FAM53B: variants seen among roughly 807,000 people sequenced by gnomAD.
The protein encoded by FAM53B is protein FAM53B.
FAM53B carries 12 observed loss-of-function variants against 32.7 expected under a neutral mutation model. The ratio of observed to expected loss-of-function variants is 0.37; its 90% CI spans 0.24 to 0.59. The LOEUF is 0.59. FAM53B is among the 20% of genes least tolerant of loss of function. The probability of loss-of-function intolerance (pLI) is 0.72; values close to 1 mark genes in which losing one functional copy is unlikely to be tolerated. For missense variants in FAM53B, 477 were observed against 577.7 expected (o/e 0.83, Z 1.79); for synonymous variants, 234 against 228.7 (o/e 1.02, Z -0.21).
In FAM53B at chr10:124,623,342, C is replaced by T; in HGVS notation, c.1169G>A (p.Arg390Lys). The T allele has an allele frequency of 6.2e-7, 1 of 1,612,504 alleles. No homozygotes were observed. The highest frequency in any genetic ancestry group is 8.5e-7 in the Non-Finnish European group (1 of 1,179,778). The change falls in exon 5 of 5, where the codon AGA (arginine) becomes AAA (lysine). Residue 390 changes from arginine (R) to lysine (K), a missense_variant. This residue lies in a region of FAM53B where 165 missense variants were observed against 157.5 expected (regional missense o/e 1.05). Coordinates refer to ENST00000337318, the MANE Select transcript of FAM53B (RefSeq NM_014661.4). ...CCGCCAGGCTGCAGCCGGCTCCGCT[C>T]TCCTGCCACAATCCTCGTCCAGGGC... is the stretch of plus-strand genomic sequence containing the variant. Reference protein sequence around the residue: ...SCALDEDCGRRAEPAAAWRDR... With the variant: ...SCALDEDCGRKAEPAAAWRDR...
intron 4 of FAM53B, among the ~76,000 whole-genome samples, chr10:124,680,812 T>C (rs1306749903): frequency 6.6e-6 from 1 of 152,150 alleles, no homozygotes; most frequent in East Asian, 1.9e-4. Context: ...TTGTGTCCCA[T>C]CACATCCGCC....
At chr10:124,737,500 T>C (rs1950179730) in intron 1 of FAM53B, among the ~76,000 whole-genome samples, 1 of 152,142 alleles carries the variant, frequency 6.6e-6, no homozygotes, top group Non-Finnish European at 1.5e-5. Context: ...AAGCAGGAAT[T>C]AAGGTTCCAC....
intron 4 of FAM53B, chr10:124,623,842 C>T (rs755359284): frequency 2.8e-5 from 14 of 495,338 alleles, no homozygotes; most frequent in Non-Finnish European, 4.6e-5. Flanking sequence ...CCTACTAACT[C>T]GGCAAAGCAC....
chr10:124,700,538 G>A (rs1173261837), intron 2 of FAM53B, among the ~76,000 whole-genome samples: 1 of 152,134 alleles, frequency 6.6e-6, no homozygotes, highest in Non-Finnish European at 1.5e-5. Context: ...GCCCACGCCG[G>A]GGCAGGGCCT....
At chr10:124,675,155 C>T (rs1334562055) in intron 4 of FAM53B, among the ~76,000 whole-genome samples, 1 of 152,190 alleles carries the variant, frequency 6.6e-6, no homozygotes, top group Non-Finnish European at 1.5e-5. Flanking sequence ...AACCTGAGGG[C>T]TGTGACTAGA....
At position 124,740,943 on chromosome 10, in the gene FAM53B, CAA is replaced by C. The variant is rs575552059; in HGVS notation, c.-175+3068_-175+3069del. On this transcript the variant is annotated intron_variant, in intron 1 of 4. Transcript: ENST00000337318. ...TGTGTTGGCAACGAACCGGTTCTTTCAAAAGAGGAAGAGTCTGACAAAAAGGA... is the reference window on the plus strand; with the variant it reads ...TGTGTTGGCAACGAACCGGTTCTTTCAAGAGGAAGAGTCTGACAAAAAGGA... Among the ~76,000 whole-genome samples the C allele has an allele frequency of 3.9e-5, 6 of 152,288 alleles. No homozygotes were observed. In the East Asian group the frequency reaches 1.2e-3, roughly 29 times the overall value.
At chr10:124,732,608 C>T (rs1950151226) in intron 1 of FAM53B, among the ~76,000 whole-genome samples, 1 of 152,220 alleles carries the variant, frequency 6.6e-6, no homozygotes, top group South Asian at 2.1e-4. Context: ...CCTGTAATCC[C>T]AGCACTTTGG....
intron 4 of FAM53B, among the ~76,000 whole-genome samples, chr10:124,672,476 A>C (rs76870260): frequency 2.2e-4 from 34 of 152,328 alleles, no homozygotes; most frequent in African/African-American, 8.2e-4. Flanking sequence ...CCAGCTGGGG[A>C]TTACTAGGCT....
chr10:124,718,157 T>C (rs1229182486), intron 1 of FAM53B, among the ~76,000 whole-genome samples: 1 of 151,858 alleles, frequency 6.6e-6, no homozygotes. Context: ...TAAGACTATA[T>C]CACACTGGGA....
chr10:124,735,351 AGTAAATCACTTTTG>A (rs1312354418), intron 1 of FAM53B, among the ~76,000 whole-genome samples: 1 of 152,244 alleles, frequency 6.6e-6, no homozygotes, highest in Non-Finnish European at 1.5e-5. Flanking sequence ...TAGGAGCAAA[AGTAAATCACTTTTG>A]GTAAAAAAAG....
chr10:124,729,388 A>T (rs1950126975), intron 1 of FAM53B, among the ~76,000 whole-genome samples: 1 of 152,214 alleles, frequency 6.6e-6, no homozygotes, highest in South Asian at 2.1e-4. Context: ...TCCCTTTTAA[A>T]GCATGTGGGG....
chr10:124,694,174 G>T (rs1297404982), intron 3 of FAM53B, among the ~76,000 whole-genome samples: 1 of 152,242 alleles, frequency 6.6e-6, no homozygotes, highest in Non-Finnish European at 1.5e-5. Flanking sequence ...CAGAGCAGAA[G>T]GAAGACAGGA....
At chr10:124,683,872 T>A (rs943249866) in intron 3 of FAM53B, among the ~76,000 whole-genome samples, 2 of 152,204 alleles carry the variant, frequency 1.3e-5, no homozygotes, top group South Asian at 2.1e-4. Context: ...TGGCCACTCC[T>A]CAAAGGGCAC....
At chr10:124,732,886 G>A (rs1269323397) in intron 1 of FAM53B, among the ~76,000 whole-genome samples, 1 of 151,960 alleles carries the variant, frequency 6.6e-6, no homozygotes, top group Non-Finnish European at 1.5e-5. Flanking sequence ...TTTACCTGTG[G>A]ACTATCACGT....
At position 124,729,535 on chromosome 10, in the gene FAM53B, T is replaced by C. The variant is rs571339397; in HGVS notation, c.-175+14478A>G. Among the ~76,000 whole-genome samples, 16 of 152,352 alleles carry C rather than the reference T, an allele frequency of 1.1e-4. 1 individual carries two copies. In the South Asian group the frequency reaches 3.3e-3, roughly 32 times the overall value. ...CTTTTTTCACTCTTGCCCAAGGTCC[T>C]GAAAAGTCCTCCTGGTATGTCATTC... On this transcript the variant is annotated intron_variant, in intron 1 of 4. Coordinates refer to ENST00000337318, the MANE Select transcript of FAM53B (RefSeq NM_014661.4).
chr10:124,652,464 C>T (rs1589738535), intron 4 of FAM53B, among the ~76,000 whole-genome samples: 2 of 152,162 alleles, frequency 1.3e-5, no homozygotes, highest in Admixed American at 6.5e-5. Context: ...GCCCGGCCCA[C>T]AGCTGCACTC....
At chr10:124,676,996 C>T (rs565436308) in intron 4 of FAM53B, among the ~76,000 whole-genome samples, 19 of 152,328 alleles carry the variant, frequency 1.2e-4, no homozygotes, top group African/African-American at 3.8e-4. Context: ...CCCCTCCCCA[C>T]AAACATCTTG....
intron 1 of FAM53B, among the ~76,000 whole-genome samples, chr10:124,726,944 A>T (rs1950107780): frequency 1.3e-5 from 2 of 152,216 alleles, no homozygotes; most frequent in African/African-American, 4.8e-5. Flanking sequence ...ATGAGAATTT[A>T]AAAATTACAT....
chr10:124,668,535 A>G (rs915972911), intron 4 of FAM53B, among the ~76,000 whole-genome samples: 6 of 152,276 alleles, frequency 3.9e-5, no homozygotes, highest in African/African-American at 1.4e-4. Flanking sequence ...GGCAGACAAG[A>G]GCACAGCACT....
Sources: gnomAD v4.1 joint callset for allele counts (sites outside exome capture counted in the v4.1 genomes callset) on GRCh38, gnomAD v4.1.1 for gene constraint, gnomAD v4.1.1 regional missense constraint, MANE v1.5 for transcripts, NCBI Gene and HGNC (gene_info 2026-07-23, HGNC 2026-07-21) for gene names.